The following TMC5 variants were observed in gnomAD, a reference collection of about 807,000 sequenced individuals.
The protein encoded by TMC5 is transmembrane channel-like protein 5.
In TMC5, 86 loss-of-function variants were observed where a neutral mutation model predicts 110.5. That is an observed-to-expected ratio of 0.78 (90% CI 0.65 to 0.93). The LOEUF (loss-of-function observed/expected upper bound fraction) is 0.93. Among genes scored for constraint, TMC5 ranks in the 40% least tolerant of loss-of-function variants. The pLI is 0.00. For missense variants in TMC5, 1,144 were observed against 1,222.8 expected (o/e 0.94, Z 0.96); for synonymous variants, 455 against 439.5 (o/e 1.04, Z -0.44).
rs140439929 is a variant in TMC5 at position 19,452,057 on chromosome 16, C to A, written c.1048+2426C>A. On this transcript the variant is annotated intron_variant, in intron 5 of 21. Transcript: ENST00000542583. ...CAACTGATCTGCCCACCTCGGCTTC[C>A]CAAAGTGCTGGGATTACAGGCATGA... Among the ~76,000 whole-genome samples, 420 of 152,286 alleles carry A rather than the reference C, an allele frequency of 2.8e-3. 1 individual carries two copies. Among genetic ancestry groups the A allele is most frequent in the African/African-American group, 9.7e-3 (403 of 41,574 alleles).
intron 1 of TMC5, among the ~76,000 whole-genome samples, chr16:19,423,100 C>CACCTTTCTCT (rs1967020541): frequency 6.6e-6 from 1 of 152,196 alleles, no homozygotes; most frequent in Non-Finnish European, 1.5e-5. Context: ...CTTACCCCTT[C>CACCTTTCTCT]TCCTTTCTCT....
intron 2 of TMC5, among the ~76,000 whole-genome samples, chr16:19,438,184 G>A (rs1338181122): frequency 6.6e-6 from 1 of 151,926 alleles, no homozygotes; most frequent in Non-Finnish European, 1.5e-5. Flanking sequence ...TTGAGCTCAG[G>A]AGTTCAAGAT....
Position 19,490,387 on chromosome 16 carries a change from T to C in TMC5, c.2574-8T>C, listed in dbSNP as rs1478250335. The C allele has an allele frequency of 6.2e-7, 1 of 1,613,922 alleles. No homozygotes were observed. The highest frequency in any genetic ancestry group is 1.1e-5 in the South Asian group (1 of 91,054). On this transcript the variant is annotated splice_polypyrimidine_tract_variant and splice_region_variant and intron_variant, in intron 17 of 21. Coordinates refer to ENST00000542583, the MANE Select transcript of TMC5 (RefSeq NM_001261841.2). Reference sequence around the variant, plus strand: ...GCTAGAGATGTTCTTCCATCTTTGTTTTACCAGATTGAAGCCTTCAGCTGA... The same window carrying C: ...GCTAGAGATGTTCTTCCATCTTTGTCTTACCAGATTGAAGCCTTCAGCTGA...
At chr16:19,475,565 C>G (rs1968467601) in intron 12 of TMC5, among the ~76,000 whole-genome samples, 2 of 152,176 alleles carry the variant, frequency 1.3e-5, no homozygotes. Flanking sequence ...CCTTCCTGCT[C>G]ACTGCCTGTC....
At chr16:19,486,200 C>T (rs1414750741) in intron 15 of TMC5, among the ~76,000 whole-genome samples, 1 of 152,144 alleles carries the variant, frequency 6.6e-6, no homozygotes, top group Non-Finnish European at 1.5e-5. Flanking sequence ...ACATCAATTT[C>T]ATATCTTACA....
At chr16:19,415,423 G>C (rs1220629483), upstream of TMC5, among the ~76,000 whole-genome samples, 1 of 152,194 alleles carries the variant, frequency 6.6e-6, no homozygotes, top group African/African-American at 2.4e-5. Context: ...GTAGCTTGCA[G>C]ATGGGGTGGG....
chr16:19,436,947 G>C (rs569951644), intron 2 of TMC5, among the ~76,000 whole-genome samples: 2 of 152,278 alleles, frequency 1.3e-5, no homozygotes, highest in South Asian at 4.1e-4. Flanking sequence ...GGGAGGCCGA[G>C]ATCAGATTGC....
chr16:19,421,708 C>T lies in TMC5; in HGVS notation c.-308+3616C>T, dbSNP rs76485136. Among the ~76,000 whole-genome samples, 1,033 of 152,282 alleles carry T rather than the reference C, an allele frequency of 6.8e-3. 13 individuals are homozygous for T. The highest frequency in any genetic ancestry group is 0.023 in the African/African-American group (953 of 41,550). The stretch of plus-strand genomic sequence containing the variant: ...AAACAGCATTGAATCTAGAAACTTC[C>T]CAAGCTTGATGTCATACTTACCCAG... On this transcript the variant is annotated intron_variant, in intron 1 of 21. Transcript: ENST00000542583.
intron 19 of TMC5, among the ~76,000 whole-genome samples, chr16:19,492,915 G>GATAGATATATATATATATATATAT (rs58561457): frequency 1.6e-4 from 7 of 42,788 alleles, no homozygotes; most frequent in East Asian, 3.6e-4. Flanking sequence ...TTAAAACTTA[G>GATAGATATATATATATATATATAT]ATATATATAT....
chr16:19,442,593 T>C (rs1349441104), intron 3 of TMC5, among the ~76,000 whole-genome samples: 1 of 152,126 alleles, frequency 6.6e-6, no homozygotes, highest in African/African-American at 2.4e-5. Flanking sequence ...CCTCTCAAAA[T>C]GCTGGGATTA....
chr16:19,496,078 G>A (rs1054418865), intron 20 of TMC5, among the ~76,000 whole-genome samples: 2 of 150,536 alleles, frequency 1.3e-5, no homozygotes, highest in Non-Finnish European at 2.9e-5. Context: ...AAATCACTTG[G>A]ACCCAGGAGG....
chr16:19,475,267 C>T (rs1968457660), intron 12 of TMC5, among the ~76,000 whole-genome samples: 1 of 152,012 alleles, frequency 6.6e-6, no homozygotes, highest in Non-Finnish European at 1.5e-5. Context: ...ACTAAAAATA[C>T]AAAAATTAGC....
intron 5 of TMC5, among the ~76,000 whole-genome samples, chr16:19,454,090 C>T (rs1268418903): frequency 6.6e-6 from 1 of 152,060 alleles, no homozygotes; most frequent in African/African-American, 2.4e-5. Context: ...CTCTGTCCCC[C>T]AGGCTGGAGT....
intron 1 of TMC5, among the ~76,000 whole-genome samples, chr16:19,424,298 T>C (rs1387758348): frequency 6.6e-6 from 1 of 152,192 alleles, no homozygotes; most frequent in Non-Finnish European, 1.5e-5. Context: ...TGTAAACCTA[T>C]AAACCATATC....
In TMC5 at chr16:19,443,202, C is replaced by A. The variant is rs142524238; in HGVS notation, c.789-879C>A. ...AATAATACAGATGCCTCAGTCAAAC[C>A]TTCAGAACTTCTGATTCAATTCTCC... On this transcript the variant is annotated intron_variant, in intron 3 of 21. Transcript: ENST00000542583. Among the ~76,000 whole-genome samples the A allele has an allele frequency of 1.7e-3, 262 of 152,304 alleles. 2 individuals are homozygous for A. Among genetic ancestry groups the A allele is most frequent in the East Asian group, 1.9e-3 (10 of 5,178 alleles).
intron 15 of TMC5, among the ~76,000 whole-genome samples, chr16:19,483,847 A>G (rs1430296566): frequency 6.6e-6 from 1 of 151,964 alleles, no homozygotes; most frequent in African/African-American, 2.4e-5. Flanking sequence ...GCACTTTAGG[A>G]GGCCGGATCA....
intron 5 of TMC5, chr16:19,456,552 C>A: frequency 7.0e-7 from 1 of 1,424,962 alleles, no homozygotes; most frequent in Non-Finnish European, 9.2e-7. Context: ...CTTTGGTGAG[C>A]TCATCCTGGC....
At chr16:19,412,217 C>A (rs553402577) in intron 1 of TMC5, among the ~76,000 whole-genome samples, 1 of 151,174 alleles carries the variant, frequency 6.6e-6, no homozygotes, top group East Asian at 1.9e-4. Flanking sequence ...ACCAAAGGCA[C>A]GCACCACCAT....
At chr16:19,487,879 AG>A (rs1316703208) in intron 17 of TMC5, 2 of 152,456 alleles carry the variant, frequency 1.3e-5, no homozygotes, top group Admixed American at 6.5e-5. Context: ...GGGAAGCATC[AG>A]GGTTGTTCAG....
Sources: gnomAD v4.1 joint callset for allele counts (sites outside exome capture counted in the v4.1 genomes callset) on GRCh38, gnomAD v4.1.1 for gene constraint, MANE v1.5 for transcripts, NCBI Gene and HGNC (gene_info 2026-07-23, HGNC 2026-07-21) for gene names.